The following GRIN2B variants were observed in gnomAD, a reference collection of about 807,000 sequenced individuals.
The protein encoded by GRIN2B is glutamate ionotropic receptor NMDA type subunit 2B.
A neutral mutation model predicts 114.5 loss-of-function variants in GRIN2B; 5 were observed. The observed-to-expected ratio is 0.04, with a 90% CI of 0.02 to 0.09. The LOEUF (loss-of-function observed/expected upper bound fraction) is 0.09. Among genes scored for constraint, GRIN2B ranks in the 10% least tolerant of loss-of-function variants. The pLI is 1.00. For synonymous variants in GRIN2B, 787 were observed against 745.1 expected, an observed-to-expected ratio of 1.06 and a Z score of -0.92; for missense variants, 1,108 against 1,943.5, an observed-to-expected ratio of 0.57 and a Z score of 8.08.
chr12:13,767,335 A>G (rs1277853220), intron 3 of GRIN2B, among the ~76,000 whole-genome samples: 1 of 151,748 alleles, frequency 6.6e-6, no homozygotes, highest in Non-Finnish European at 1.5e-5. Flanking sequence ...CCTGTGCTCC[A>G]TTCATTTAAA....
chr12:13,686,655 AG>A (rs992484044), intron 4 of GRIN2B, among the ~76,000 whole-genome samples: 14 of 152,286 alleles, frequency 9.2e-5, no homozygotes, highest in Middle Eastern at 3.4e-3. Context: ...TTTTTAAAAA[AG>A]TAATTGGCGC....
intron 2 of GRIN2B, among the ~76,000 whole-genome samples, chr12:13,961,679 T>A (rs1341025397): frequency 6.6e-6 from 1 of 152,178 alleles, no homozygotes; most frequent in Non-Finnish European, 1.5e-5. Flanking sequence ...TAAGAGTAGT[T>A]ATTTCCACAG....
intron 2 of GRIN2B, among the ~76,000 whole-genome samples, chr12:13,943,957 C>A (rs1053940991): frequency 6.6e-6 from 1 of 152,124 alleles, no homozygotes; most frequent in Non-Finnish European, 1.5e-5. Flanking sequence ...GTTCATGGCA[C>A]ATAGTAGACG....
chr12:13,742,726 C>T (rs772387263), intron 4 of GRIN2B, among the ~76,000 whole-genome samples: 9 of 152,280 alleles, frequency 5.9e-5, no homozygotes, highest in Non-Finnish European at 1.0e-4. Context: ...CCACTGTGCC[C>T]GGCTTAGAAC....
intron 10 of GRIN2B, among the ~76,000 whole-genome samples, chr12:13,575,085 G>T (rs1297508552): frequency 6.6e-6 from 1 of 152,266 alleles, no homozygotes; most frequent in African/African-American, 2.4e-5. Context: ...GTAAATACTA[G>T]AATTATAAAA....
intron 3 of GRIN2B, among the ~76,000 whole-genome samples, chr12:13,782,550 A>G (rs1864137339): frequency 6.6e-6 from 1 of 152,092 alleles, no homozygotes; most frequent in African/African-American, 2.4e-5. Context: ...AAAATACAGA[A>G]AGAATTCTAG....
Position 13,595,508 on chromosome 12 carries a change from G to A in GRIN2B, c.2010+13095C>T, listed in dbSNP as rs538832524. Among the ~76,000 whole-genome samples, 57 of 152,258 alleles carry A rather than the reference G, an allele frequency of 3.7e-4. 1 individual carries two copies. The highest frequency in any genetic ancestry group is 3.4e-3 in the Middle Eastern group (1 of 294). On this transcript the variant is annotated intron_variant, in intron 10 of 13. Transcript: ENST00000609686. The stretch of plus-strand genomic sequence containing the variant: ...AATTATCCCAAATTATGTCAGACCC[G>A]GGGGTGACCTTCTATATCAGGGGCC...
chr12:13,623,503 A>G (rs1200736834), intron 5 of GRIN2B, among the ~76,000 whole-genome samples: 2 of 152,214 alleles, frequency 1.3e-5, no homozygotes, highest in Non-Finnish European at 2.9e-5. Flanking sequence ...AATGAAACAC[A>G]ATATCTTCCT....
At position 13,881,028 on chromosome 12, in the gene GRIN2B, GCA is replaced by G. The variant is rs1866065186; in HGVS notation, c.-18-14804_-18-14803del. On this transcript the variant is annotated intron_variant, in intron 2 of 13. Transcript: ENST00000609686. ...TGTGTGTGTGTGCGCGTGCGCGCAC[GCA>G]TGTGCGCAGGTGTGCATGCACATGT... 2.0e-5 allele frequency among the ~76,000 whole-genome samples: 3 copies of G among 152,210 alleles called. No individual in the cohort carries two copies. In the South Asian group the frequency reaches 6.2e-4, roughly 32 times the overall value.
intron 2 of GRIN2B, among the ~76,000 whole-genome samples, chr12:13,953,423 T>C (rs535138366): frequency 3.3e-5 from 5 of 150,606 alleles, no homozygotes; most frequent in Non-Finnish European, 5.9e-5. Context: ...TAGTTACCTT[T>C]GGAAAATAAT....
intron 10 of GRIN2B, among the ~76,000 whole-genome samples, chr12:13,607,399 T>A (rs1172053290): frequency 4.1e-5 from 3 of 73,914 alleles, no homozygotes; most frequent in Admixed American, 2.6e-4. Flanking sequence ...ATATTATATA[T>A]AATATATAAA....
chr12:13,962,727 C>A (rs778925382), intron 2 of GRIN2B, among the ~76,000 whole-genome samples: 3 of 152,172 alleles, frequency 2.0e-5, no homozygotes, highest in Non-Finnish European at 4.4e-5. Context: ...GGCGGGCGGG[C>A]GGGCTGACCT....
chr12:13,748,432 G>A (rs1201411594), intron 4 of GRIN2B, among the ~76,000 whole-genome samples: 2 of 152,154 alleles, frequency 1.3e-5, no homozygotes, highest in African/African-American at 2.4e-5. Flanking sequence ...CTGCTCCTTG[G>A]AGAAATGACA....
intron 3 of GRIN2B, among the ~76,000 whole-genome samples, chr12:13,852,584 A>T (rs1206461237): frequency 6.6e-6 from 1 of 151,878 alleles, no homozygotes; most frequent in Non-Finnish European, 1.5e-5. Flanking sequence ...TTTATTCAAA[A>T]CCAGGTGTGT....
intron 3 of GRIN2B, among the ~76,000 whole-genome samples, chr12:13,824,712 CAGG>C (rs541913080): frequency 6.6e-6 from 1 of 152,074 alleles, no homozygotes; most frequent in East Asian, 1.9e-4. Context: ...AAAAATTAGC[CAGG>C]TGTGGTGGCA....
At position 13,559,856 on chromosome 12, in the gene GRIN2B, G is replaced by A. The variant is rs1317342374; in HGVS notation, c.*2927C>T. 1 of 152,212 alleles carries A rather than the reference G, an allele frequency of 6.6e-6. No homozygotes were observed. The highest frequency in any genetic ancestry group is 1.9e-4 in the East Asian group (1 of 5,200). The allele number at this position is 152,212 out of a possible 1,614,324, so 9.4% of individuals were successfully genotyped here. A position where few individuals can be genotyped will look rare whatever the true frequency, so the allele number is the denominator to read the frequency against. The stretch of plus-strand genomic sequence containing the variant: ...GACTGAGACGATTGTTTCAGCATCA[G>A]AGGAGGCCGCTGGGAGATTTCTCAG... On this transcript the variant is annotated 3_prime_UTR_variant, in exon 14 of 14. Coordinates refer to ENST00000609686, the MANE Select transcript of GRIN2B (RefSeq NM_000834.5).
intron 5 of GRIN2B, among the ~76,000 whole-genome samples, chr12:13,640,861 G>A (rs1041834550): frequency 6.6e-6 from 1 of 151,844 alleles, no homozygotes; most frequent in African/African-American, 2.4e-5. Context: ...AGATAATGAG[G>A]TTTAAAAAAA....
At chr12:13,764,575 T>C (rs1863743126) in intron 3 of GRIN2B, among the ~76,000 whole-genome samples, 2 of 152,096 alleles carry the variant, frequency 1.3e-5, no homozygotes, top group South Asian at 4.2e-4. Flanking sequence ...CAGAAATCAC[T>C]CATGGAAGGT....
At chr12:13,756,989 G>T (rs1262777476) in intron 3 of GRIN2B, among the ~76,000 whole-genome samples, 1 of 152,144 alleles carries the variant, frequency 6.6e-6, no homozygotes, top group Non-Finnish European at 1.5e-5. Flanking sequence ...TGAGAAATGA[G>T]AAAAATTGAT....
Sources: allele counts gnomAD v4.1 joint callset (sites outside exome capture counted in the v4.1 genomes callset), GRCh38; gene constraint gnomAD v4.1.1; transcripts MANE v1.5; gene names NCBI Gene and HGNC (gene_info 2026-07-23, HGNC 2026-07-21).